Variants in PTK2B observed in about 807,000 individuals in gnomAD.
The protein encoded by PTK2B is protein-tyrosine kinase 2-beta.
In PTK2B, 71 loss-of-function variants were observed where a neutral mutation model predicts 142.9. The ratio of observed to expected loss-of-function variants is 0.50; its 90% CI spans 0.41 to 0.61. The LOEUF (loss-of-function observed/expected upper bound fraction) is 0.61, where lower values mean the gene tolerates loss of function less well. PTK2B is among the 20% of genes least tolerant of loss of function. The pLI, the probability that PTK2B is intolerant of heterozygous loss-of-function variation, is 0.00. For synonymous variants in PTK2B, 519 were observed against 503.4 expected (o/e 1.03, Z -0.42); for missense variants, 1,105 against 1,320.4 (o/e 0.84, Z 2.53).
rs772060226 is a variant in PTK2B at position 27,458,300 on chromosome 8, G to A, written c.2821G>A (p.Gly941Ser). The stretch of plus-strand genomic sequence containing the variant: ...CTGTGTGATCTTCCTACAGATCGAG[G>A]GCACCCAGAAACTGCTCAACAAAGA... ...LPSSSRTEIEGTQKLLNKDLA... is the reference protein window; with the variant it reads ...LPSSSRTEIESTQKLLNKDLA... Residue 941 changes from glycine to serine, a missense_variant, in exon 31 of 31, where the codon GGC (glycine) becomes AGC (serine). Physicochemically the swap from Gly to Ser is moderately conservative, Grantham distance 56. Coordinates refer to ENST00000346049, the MANE Select transcript of PTK2B (RefSeq NM_173176.3). 1 of 1,613,930 alleles carries A rather than the reference G, an allele frequency of 6.2e-7. No individual in the cohort carries two copies. Among genetic ancestry groups the A allele is most frequent in the South Asian group, 1.1e-5 (1 of 91,036 alleles).
rs902653244 is a variant in PTK2B at position 27,363,051 on chromosome 8, C to T, written c.-37-34497C>T. 2.6e-5 allele frequency among the ~76,000 whole-genome samples: 4 copies of T among 152,212 alleles called. No homozygotes were observed. Among genetic ancestry groups the T allele is most frequent in the Admixed American group, 6.5e-5 (1 of 15,284 alleles). ...CCTTGGATAGCATCACTCCTGTTCT[C>T]GTCATGGTGGAAAATGACTAAAAAC... On this transcript the variant is annotated intron_variant, in intron 1 of 30. Coordinates refer to ENST00000346049, the MANE Select transcript of PTK2B (RefSeq NM_173176.3). The surrounding 1 kb of genome is among the most constrained non-coding windows in gnomAD (Gnocchi z 4.3).
intron 1 of PTK2B, among the ~76,000 whole-genome samples, chr8:27,359,330 G>T (rs1396158321): frequency 6.6e-6 from 1 of 152,118 alleles, no homozygotes; most frequent in African/African-American, 2.4e-5. Flanking sequence ...TGGCCAGGCT[G>T]GTCTCAAACT....
chr8:27,312,988 C>T (rs1803014739), intron 2 of PTK2B, among the ~76,000 whole-genome samples: 1 of 152,172 alleles, frequency 6.6e-6, no homozygotes. Context: ...GACTGAGGGG[C>T]ATGATATGGT....
intron 16 of PTK2B, 36 bp from the exon 17 acceptor site, chr8:27,437,360 C>T (rs1208849985): frequency 5.7e-6 from 9 of 1,588,192 alleles, no homozygotes; most frequent in Admixed American, 3.4e-5. Flanking sequence ...ACCTTTGAGC[C>T]GCTCCACCTG....
At chr8:27,380,536 T>A (rs1006987527) in intron 1 of PTK2B, 1 of 60,966 alleles carries the variant, frequency 1.6e-5, no homozygotes, top group Non-Finnish European at 3.2e-5. Flanking sequence ...AAAACACCTA[T>A]TTTTTTTTTC....
intron 9 of PTK2B, 190 bp from the exon 10 acceptor site, chr8:27,432,070 C>A: frequency 1.9e-6 from 1 of 528,432 alleles, no homozygotes; most frequent in Non-Finnish European, 3.4e-6. Context: ...TCCAATGTGG[C>A]CCAGGGAAGC....
intron 1 of PTK2B, among the ~76,000 whole-genome samples, chr8:27,353,770 A>G (rs1195202599): frequency 3.3e-5 from 5 of 152,102 alleles, no homozygotes; most frequent in Non-Finnish European, 7.4e-5. Flanking sequence ...AGTCACTTAG[A>G]CCTGACTATG....
chr8:27,393,974 G>A (rs182688643), intron 1 of PTK2B, among the ~76,000 whole-genome samples: 87 of 152,158 alleles, frequency 5.7e-4, no homozygotes, highest in Non-Finnish European at 5.9e-4. Context: ...TTAAGGGTAA[G>A]GCTGCATTCT....
chr8:27,405,450 A>G (rs1808653789), intron 2 of PTK2B, among the ~76,000 whole-genome samples: 1 of 152,206 alleles, frequency 6.6e-6, no homozygotes, highest in Non-Finnish European at 1.5e-5. Context: ...AAGTTACCCT[A>G]GAGAGAATAA....
intron 1 of PTK2B, among the ~76,000 whole-genome samples, chr8:27,334,268 C>T (rs1420035513): frequency 1.3e-5 from 2 of 152,138 alleles, no homozygotes; most frequent in African/African-American, 4.8e-5. Context: ...CAAATCCAGC[C>T]CCCTTAAATT....
At chr8:27,420,190 G>A in intron 3 of PTK2B, 117 bp downstream of exon 3, 2 of 1,245,700 alleles carry the variant, frequency 1.6e-6, no homozygotes, top group Non-Finnish European at 2.2e-6. Context: ...GCAAACCTGA[G>A]TGGCATTCTA....
intron 1 of PTK2B, among the ~76,000 whole-genome samples, chr8:27,372,943 T>C (rs1385000453): frequency 1.3e-5 from 2 of 152,130 alleles, no homozygotes; most frequent in East Asian, 3.9e-4. Context: ...CCAAAGTCTA[T>C]GTGGCCACTT....
At chr8:27,369,808 C>A (rs901892005) in intron 1 of PTK2B, among the ~76,000 whole-genome samples, 15 of 152,190 alleles carry the variant, frequency 9.9e-5, no homozygotes, top group Non-Finnish European at 2.9e-5. Context: ...AACCCCCTCT[C>A]TACTAAAAAT....
chr8:27,312,081 G>T (rs1270429678), intron 1 of PTK2B, among the ~76,000 whole-genome samples: 1 of 152,150 alleles, frequency 6.6e-6, no homozygotes, highest in Non-Finnish European at 1.5e-5. Context: ...GAGATAACTA[G>T]AGTTCATGCT....
At chr8:27,333,162 G>A (rs541589487) in intron 1 of PTK2B, among the ~76,000 whole-genome samples, 1 of 152,300 alleles carries the variant, frequency 6.6e-6, no homozygotes, top group African/African-American at 2.4e-5. Flanking sequence ...AGTCAAAGAA[G>A]AGTATAAATA....
intron 3 of PTK2B, among the ~76,000 whole-genome samples, chr8:27,319,871 A>C (rs1460065624): frequency 2.0e-5 from 3 of 152,194 alleles, no homozygotes; most frequent in African/African-American, 7.2e-5. Context: ...TCTGAAGAAA[A>C]GAAAAACGCT....
At chr8:27,451,534 G>A in intron 27 of PTK2B, 25 bp downstream of exon 27, 3 of 1,614,016 alleles carry the variant, frequency 1.9e-6, no homozygotes, top group Non-Finnish European at 2.5e-6. Context: ...CCTTCTTCGG[G>A]GGGTTTCCTC....
intron 1 of PTK2B, among the ~76,000 whole-genome samples, chr8:27,389,149 C>A (rs1807554576): frequency 6.6e-6 from 1 of 152,014 alleles, no homozygotes; most frequent in African/African-American, 2.4e-5. Context: ...TATCTTTTTT[C>A]TTTTTACTGG....
intron 1 of PTK2B, among the ~76,000 whole-genome samples, chr8:27,373,387 G>A (rs1806475489): frequency 6.6e-6 from 1 of 152,216 alleles, no homozygotes; most frequent in South Asian, 2.1e-4. Context: ...GAGGGGACTT[G>A]GGTAGTGGTG....
Sources: allele counts gnomAD v4.1 joint callset (sites outside exome capture counted in the v4.1 genomes callset), GRCh38; gene constraint gnomAD v4.1.1; non-coding constraint Gnocchi (gnomAD v3.1); transcripts MANE v1.5; gene names NCBI Gene and HGNC (gene_info 2026-07-23, HGNC 2026-07-21).